The following GFOD1 variants were observed in gnomAD, a reference collection of about 807,000 sequenced individuals.
GFOD1 encodes Gfo/Idh/MocA-like oxidoreductase domain containing 1.
In GFOD1, 9 loss-of-function variants were observed where a neutral mutation model predicts 25.4. The observed-to-expected ratio is 0.35, with a 90% confidence interval of 0.21 to 0.62. GFOD1 has a LOEUF of 0.62. GFOD1 is among the 20% of genes least tolerant of loss of function. GFOD1 has a pLI of 0.72. For synonymous variants in GFOD1, 253 were observed against 245.6 expected, an observed-to-expected ratio of 1.03 and a Z score of -0.28; for missense variants, 403 against 556.9, an observed-to-expected ratio of 0.72 and a Z score of 2.78.
At chr6:13,389,638 A>G (rs1430146047) in intron 1 of GFOD1, among the ~76,000 whole-genome samples, 4 of 152,278 alleles carry the variant, frequency 2.6e-5, no homozygotes, top group African/African-American at 9.6e-5. Context: ...GGGAAGGGAT[A>G]GCATTAGGAG....
chr6:13,382,347 T>TGGTGGG (rs796483227), intron 1 of GFOD1, among the ~76,000 whole-genome samples: 1 of 143,760 alleles, frequency 7.0e-6, no homozygotes, highest in African/African-American at 2.6e-5. Flanking sequence ...AATTGAATCA[T>TGGTGGG]GGGGGGGGGG....
chr6:13,479,895 T>C (rs561414545), intron 1 of GFOD1, among the ~76,000 whole-genome samples: 1 of 152,240 alleles, frequency 6.6e-6, no homozygotes, highest in African/African-American at 2.4e-5. Context: ...TTCACATAGA[T>C]CCAGAAGAGA....
intron 1 of GFOD1, among the ~76,000 whole-genome samples, chr6:13,448,567 G>A (rs772493888): frequency 4.6e-5 from 7 of 152,160 alleles, no homozygotes; most frequent in Admixed American, 2.0e-4. Context: ...CACCTGATAA[G>A]GATCTGGTGA....
intron 1 of GFOD1, among the ~76,000 whole-genome samples, chr6:13,474,149 G>A (rs1758566477): frequency 6.6e-6 from 1 of 152,204 alleles, no homozygotes. Flanking sequence ...GGAGGCCAAG[G>A]CGGGTGGATC....
chr6:13,364,561 A>G lies in GFOD1; in HGVS notation c.*182T>C. On this transcript the variant is annotated 3_prime_UTR_variant, in exon 2 of 2. Coordinates refer to ENST00000379287, the MANE Select transcript of GFOD1 (RefSeq NM_018988.4). This position sits in a 1 kb window ranked among gnomAD's most constrained non-coding sequence, Gnocchi z 4.1. ...TTCCAGGCTAGGAGCTCAGCCCACC[A>G]ACAGTCTGGTTTGGGGTCGGTCACC... 1 of 600,472 alleles carries G rather than the reference A, an allele frequency of 1.7e-6. No individual in the cohort carries two copies. Among genetic ancestry groups the G allele is most frequent in the Non-Finnish European group, 2.9e-6 (1 of 339,982 alleles). 37.2% of individuals were successfully genotyped at this position (600,472 alleles called of 1,614,324 possible).
Position 13,421,918 on chromosome 6 carries a change from C to A in GFOD1, c.254-56256G>T, listed in dbSNP as rs777695751. On this transcript the variant is annotated intron_variant, in intron 1 of 1. Coordinates refer to ENST00000379287, the MANE Select transcript of GFOD1 (RefSeq NM_018988.4). ...CAACAATCTGTGATGAATAAAGCAA[C>A]GGCTGCGTTTTATCTCCAGAAAGCA... Among the ~76,000 whole-genome samples, 7 of 152,188 alleles carry A rather than the reference C, an allele frequency of 4.6e-5. 1 individual carries two copies. The highest frequency in any genetic ancestry group is 2.4e-5 in the African/African-American group (1 of 41,444).
At position 13,459,657 on chromosome 6, in the gene GFOD1, G is replaced by GA. The variant is rs536173977; in HGVS notation, c.253+26980dup. On this transcript the variant is annotated intron_variant, in intron 1 of 1. Coordinates refer to ENST00000379287, the MANE Select transcript of GFOD1 (RefSeq NM_018988.4). ...ACCTACAAGGAACTTAAATTTATAA[G>GA]AAAAAAACAACCCCATCAAAAAGTA... 5.9e-5 allele frequency among the ~76,000 whole-genome samples: 9 copies of GA among 151,988 alleles called. No homozygotes were observed. The South Asian group carries it at 1.9e-3, about 32-fold the overall frequency.
At chr6:13,452,281 C>A (rs1758111584) in intron 1 of GFOD1, among the ~76,000 whole-genome samples, 2 of 152,156 alleles carry the variant, frequency 1.3e-5, no homozygotes, top group South Asian at 4.1e-4. Flanking sequence ...AAAAGCATTG[C>A]ATCGATATTA....
chr6:13,398,615 T>C (rs1487704413), intron 1 of GFOD1, among the ~76,000 whole-genome samples: 1 of 152,218 alleles, frequency 6.6e-6, no homozygotes, highest in African/African-American at 2.4e-5. Flanking sequence ...ATCGGGTGTT[T>C]AGTTTTGATT....
chr6:13,390,810 A>AGGAAGGAAGGAAAGAAGGAG (rs1785586731), intron 1 of GFOD1, among the ~76,000 whole-genome samples: 1 of 151,250 alleles, frequency 6.6e-6, no homozygotes, highest in African/African-American at 2.4e-5. Context: ...GAAGGAAGGA[A>AGGAAGGAAGGAAAGAAGGAG]GGAAGGAAGG....
At chr6:13,376,655 C>T (rs1453733661) in intron 1 of GFOD1, among the ~76,000 whole-genome samples, 1 of 152,160 alleles carries the variant, frequency 6.6e-6, no homozygotes, top group Non-Finnish European at 1.5e-5. Context: ...ACTACAATTC[C>T]ATTTCCTACC....
chr6:13,471,763 T>C (rs1169472361), intron 1 of GFOD1, among the ~76,000 whole-genome samples: 2 of 152,206 alleles, frequency 1.3e-5, no homozygotes, highest in African/African-American at 2.4e-5. Flanking sequence ...GATTTACCCA[T>C]TGCTATATCC....
intron 1 of GFOD1, among the ~76,000 whole-genome samples, chr6:13,410,028 A>C (rs1003048095): frequency 2.9e-5 from 3 of 102,140 alleles, no homozygotes; most frequent in Admixed American, 1.1e-4. Context: ...TTTTTTTTAG[A>C]TTGGCAGGGT....
rs925923941 is a variant in GFOD1, at chr6:13,360,985, C to T, written c.*3758G>A. On this transcript the variant is annotated 3_prime_UTR_variant, in exon 2 of 2. Coordinates refer to ENST00000379287, the MANE Select transcript of GFOD1 (RefSeq NM_018988.4). ...AAGTTCCTCTTCCTCTTACTGCCTC[C>T]ATTTTCTCATGTGTATAAAAGAAAT... The T allele has an allele frequency of 5.1e-6, 2 of 395,824 alleles. No homozygotes were observed. Among genetic ancestry groups the T allele is most frequent in the Non-Finnish European group, 1.0e-5 (2 of 197,336 alleles). The allele number at this position is 395,824 out of a possible 1,614,324, so 24.5% of individuals were successfully genotyped here.
Position 13,364,806 on chromosome 6 carries a change from C to T in GFOD1, c.1110G>A (p.Glu370=). ...QNIAIMTEEP[E]LSPAYLISEA... is the part of the protein sequence containing the mutation. ...CGCTGATCAGGTAGGCGGGGCTCAG[C>T]TCCGGCTCCTCGGTCATGATGGCAA... Residue 370 remains glutamate, a synonymous_variant, in exon 2 of 2, where the codon GAG becomes GAA. Coordinates refer to ENST00000379287, the MANE Select transcript of GFOD1 (RefSeq NM_018988.4). This position sits in a 1 kb window ranked among gnomAD's most constrained non-coding sequence, Gnocchi z 4.1. 4 of 1,614,016 alleles carry T rather than the reference C, an allele frequency of 2.5e-6. No individual in the cohort carries two copies. Among genetic ancestry groups the T allele is most frequent in the African/African-American group, 1.3e-5 (1 of 75,064 alleles).
intron 1 of GFOD1, among the ~76,000 whole-genome samples, chr6:13,374,265 T>G (rs1209031203): frequency 8.6e-6 from 1 of 116,492 alleles, no homozygotes; most frequent in Non-Finnish European, 1.8e-5. Context: ...TAAAAATATG[T>G]TTTTTTTTTG....
rs1227894933 is a variant in GFOD1 at position 13,430,045 on chromosome 6, A to C, written c.253+56593T>G. On this transcript the variant is annotated intron_variant, in intron 1 of 1. Transcript: ENST00000379287. This position sits in a 1 kb window ranked among gnomAD's most constrained non-coding sequence, Gnocchi z 4.1. ...TCTTTGGGACCAGCTTAATGAAAAA[A>C]TATGCAGTGGAAATGGCACCATGTC... 1.3e-5 allele frequency among the ~76,000 whole-genome samples: 2 copies of C among 152,156 alleles called. No homozygotes were observed. The highest frequency in any genetic ancestry group is 2.9e-5 in the Non-Finnish European group (2 of 68,028).
At chr6:13,387,928 A>G (rs2127560350) in intron 1 of GFOD1, among the ~76,000 whole-genome samples, 1 of 152,364 alleles carries the variant, frequency 6.6e-6, no homozygotes, top group Non-Finnish European at 1.5e-5. Flanking sequence ...GTCTCAGGAT[A>G]CAAAATCAAT....
chr6:13,391,964 G>A (rs1434040990), intron 1 of GFOD1, among the ~76,000 whole-genome samples: 2 of 152,180 alleles, frequency 1.3e-5, no homozygotes, highest in Non-Finnish European at 2.9e-5. Context: ...TGGTGAACAG[G>A]CCTGCCCATG....
Sources: allele counts gnomAD v4.1 joint callset (sites outside exome capture counted in the v4.1 genomes callset), GRCh38; gene constraint gnomAD v4.1.1; non-coding constraint Gnocchi (gnomAD v3.1); transcripts MANE v1.5; gene names NCBI Gene and HGNC (gene_info 2026-07-23, HGNC 2026-07-21).